R3HDM2: variants seen among roughly 807,000 people sequenced by gnomAD.
The protein encoded by R3HDM2 is R3H domain-containing protein 2.
Under a neutral mutation model 124.5 loss-of-function variants are expected in R3HDM2, and 38 were observed. The observed-to-expected ratio is 0.31, with a 90% CI of 0.24 to 0.40. The LOEUF (loss-of-function observed/expected upper bound fraction) is 0.40. Among genes scored for constraint, R3HDM2 ranks in the 10% least tolerant of loss-of-function variants. R3HDM2 has a pLI of 1.00. For missense variants in R3HDM2, 869 were observed against 1,236.9 expected, an observed-to-expected ratio of 0.70 and a Z score of 4.46; for synonymous variants, 391 against 448.0, an observed-to-expected ratio of 0.87 and a Z score of 1.61.
intron 2 of R3HDM2, among the ~76,000 whole-genome samples, chr12:57,359,546 C>G (rs751466001): frequency 1.3e-5 from 2 of 152,084 alleles, no homozygotes; most frequent in Non-Finnish European, 2.9e-5. Context: ...GGTATATCGT[C>G]TTTCATCCTT....
intron 13 of R3HDM2, among the ~76,000 whole-genome samples, chr12:57,283,244 T>C (rs759128668): frequency 1.3e-5 from 2 of 152,344 alleles, no homozygotes; most frequent in Non-Finnish European, 1.5e-5. Context: ...TGGGCTGATA[T>C]GGATGTTCCA....
intron 13 of R3HDM2, among the ~76,000 whole-genome samples, chr12:57,281,201 C>T (rs913558098): frequency 2.7e-5 from 4 of 150,130 alleles, no homozygotes; most frequent in East Asian, 2.0e-4. Context: ...ACAGGAGAAT[C>T]GCTTGAACCC....
intron 22 of R3HDM2, 131 bp downstream of exon 22, chr12:57,256,283 T>A: frequency 1.1e-6 from 1 of 911,432 alleles, no homozygotes; most frequent in Non-Finnish European, 1.7e-6. Context: ...GTATAGGAGG[T>A]AGGGCAAGGC....
intron 2 of R3HDM2, among the ~76,000 whole-genome samples, chr12:57,379,567 C>T (rs1032277265): frequency 4.6e-5 from 7 of 151,222 alleles, no homozygotes; most frequent in Middle Eastern, 3.4e-3. Flanking sequence ...GCAACAAGAG[C>T]GAAAATCCGT....
intron 11 of R3HDM2, among the ~76,000 whole-genome samples, chr12:57,289,293 G>A (rs2048091242): frequency 2.6e-5 from 4 of 152,202 alleles, no homozygotes; most frequent in African/African-American, 9.7e-5. Context: ...GACAAAGGCA[G>A]GAGTGTGAAA....
intron 2 of R3HDM2, among the ~76,000 whole-genome samples, chr12:57,389,033 AAAC>A (rs1211445638): frequency 5.3e-5 from 8 of 152,162 alleles, no homozygotes; most frequent in Non-Finnish European, 1.0e-4. Flanking sequence ...GGTTACTAAT[AAAC>A]AACAGAATGG....
chr12:57,395,748 C>G lies in R3HDM2; in HGVS notation c.-36+1G>C. The G allele has an allele frequency of 1.0e-6, 1 of 980,758 alleles. No homozygotes were observed. The highest frequency in any genetic ancestry group is 1.2e-6 in the Non-Finnish European group (1 of 825,852). The allele number at this position is 980,758 out of a possible 1,614,324, so 60.8% of individuals were successfully genotyped here. A position where few individuals can be genotyped will look rare whatever the true frequency, so the allele number is the denominator to read the frequency against. ...GCTCCATAAATGTTATCTATTATTA[C>G]CTGAATAAATGCTCAGCCTCCATGA... On this transcript the variant is annotated splice_donor_variant, in intron 2 of 23. Coordinates refer to ENST00000402412, the MANE Select transcript of R3HDM2 (RefSeq NM_001394031.1). LOFTEE classifies it low-confidence loss of function (5UTR_SPLICE).
At chr12:57,416,601 G>A (rs1327547559) in intron 1 of R3HDM2, among the ~76,000 whole-genome samples, 8 of 152,188 alleles carry the variant, frequency 5.3e-5, no homozygotes, top group Non-Finnish European at 1.0e-4. Flanking sequence ...AGCCCCAGGA[G>A]TTCAAGACCA....
chr12:57,377,188 G>A (rs1290709503), intron 2 of R3HDM2, among the ~76,000 whole-genome samples: 1 of 150,078 alleles, frequency 6.7e-6, no homozygotes, highest in African/African-American at 2.4e-5. Flanking sequence ...AGGGACTGAA[G>A]TTGTTAGTAA....
chr12:57,410,667 A>G (rs2139277267), intron 1 of R3HDM2, among the ~76,000 whole-genome samples: 1 of 152,310 alleles, frequency 6.6e-6, no homozygotes, highest in East Asian at 1.9e-4. Context: ...AGCCTGGGCT[A>G]CATGGCAAGA....
At chr12:57,386,552 C>T (rs181913351) in intron 2 of R3HDM2, among the ~76,000 whole-genome samples, 3 of 152,210 alleles carry the variant, frequency 2.0e-5, no homozygotes, top group Admixed American at 6.5e-5. Flanking sequence ...AGCCTCCCCC[C>T]GCTTCTGTGG....
At chr12:57,281,492 T>G (rs1389793650) in intron 13 of R3HDM2, among the ~76,000 whole-genome samples, 2 of 148,664 alleles carry the variant, frequency 1.3e-5, no homozygotes, top group African/African-American at 5.0e-5. Flanking sequence ...ACAGGAACTT[T>G]TTTCTTTTTT....
chr12:57,360,034 T>TATATAC (rs1555287241), intron 2 of R3HDM2, among the ~76,000 whole-genome samples: 35 of 83,786 alleles, frequency 4.2e-4, no homozygotes, highest in South Asian at 1.6e-3. Context: ...CACACATATA[T>TATATAC]ATATATATAT....
chr12:57,337,167 T>G (rs1386758596), intron 2 of R3HDM2, among the ~76,000 whole-genome samples: 1 of 151,940 alleles, frequency 6.6e-6, no homozygotes, highest in Non-Finnish European at 1.5e-5. Context: ...GTTGTTGTTG[T>G]TTTGAGACAG....
chr12:57,292,649 C>T lies in R3HDM2; in HGVS notation c.829G>A (p.Asp277Asn). The T allele has an allele frequency of 6.5e-7, 1 of 1,548,960 alleles. No homozygotes were observed. The highest frequency in any genetic ancestry group is 8.7e-7 in the Non-Finnish European group (1 of 1,146,048). The change falls in exon 11 of 24, where the codon GAT (aspartate) becomes AAT (asparagine). Residue 277 changes from aspartate to asparagine, a missense_variant. This residue lies in a region of R3HDM2 where 267 missense variants were observed against 447.7 expected (regional missense o/e 0.60). Transcript: ENST00000402412. Reference protein sequence around the residue: ...DDNQIRVPLQDGRRSKSIEER... With the variant: ...DDNQIRVPLQNGRRSKSIEER... The stretch of plus-strand genomic sequence containing the variant: ...TCTATTGACTTGCTCCTCCTTCCAT[C>T]CTGCAATGGAACTCTGATCTAGATC...
At chr12:57,293,680 C>T (rs1161868375) in intron 10 of R3HDM2, among the ~76,000 whole-genome samples, 1 of 152,130 alleles carries the variant, frequency 6.6e-6, no homozygotes, top group Non-Finnish European at 1.5e-5. Flanking sequence ...TGAATATCAC[C>T]AGATTATAAA....
Position 57,430,721 on chromosome 12 carries a change from T to G in R3HDM2, c.-107A>C. On this transcript the variant is annotated splice_region_variant and 5_prime_UTR_variant, in exon 1 of 24. Transcript: ENST00000402412. Reference sequence around the variant, plus strand: ...CCCTCGGCCGGGAGGTGGCCTCACCTCGCACGGGCCTTGGCGGGGAGGGCG... The same window carrying G: ...CCCTCGGCCGGGAGGTGGCCTCACCGCGCACGGGCCTTGGCGGGGAGGGCG... The G allele has an allele frequency of 6.0e-6, 2 of 331,042 alleles. No homozygotes were observed. Among genetic ancestry groups the G allele is most frequent in the Non-Finnish European group, 8.6e-6 (2 of 233,820 alleles). The allele number at this position is 331,042 out of a possible 1,614,324, so 20.5% of individuals were successfully genotyped here. A position where few individuals can be genotyped will look rare whatever the true frequency, so the allele number is the denominator to read the frequency against.
At chr12:57,348,716 AAAAAAGAG>A (rs57606127) in intron 2 of R3HDM2, among the ~76,000 whole-genome samples, 24,204 of 57,066 alleles carry the variant, frequency 0.42, 4,735 homozygotes, top group South Asian at 0.71. Flanking sequence ...AAAAAAAAAA[AAAAAAGAG>A]AGAGAAAAAT....
chr12:57,267,672 C>CATATACTGGGAG (rs2137339834), intron 18 of R3HDM2, among the ~76,000 whole-genome samples: 1 of 152,268 alleles, frequency 6.6e-6, no homozygotes, highest in South Asian at 2.1e-4. Context: ...GGTAAATGCA[C>CATATACTGGGAG]ATATACTGGG....
Sources: allele counts gnomAD v4.1 joint callset (sites outside exome capture counted in the v4.1 genomes callset), GRCh38; gene constraint gnomAD v4.1.1; regional missense constraint gnomAD v4.1.1; transcripts MANE v1.5; gene names NCBI Gene and HGNC (gene_info 2026-07-23, HGNC 2026-07-21).